HELZ: variants seen among roughly 807,000 people sequenced by gnomAD.
The protein encoded by HELZ is ATP-dependent RNA helicase with zinc finger domain.
HELZ carries 23 observed loss-of-function variants against 218.2 expected under a neutral mutation model. That is an observed-to-expected ratio of 0.11 (90% CI 0.08 to 0.15). The LOEUF is 0.15. Ranked by LOEUF, HELZ falls within the 10% of genes least tolerant of loss-of-function variation. The pLI, the probability that HELZ is intolerant of heterozygous loss-of-function variation, is 1.00. For synonymous variants in HELZ, 814 were observed against 829.4 expected (o/e 0.98, Z 0.32); for missense variants, 1,813 against 2,353.7 (o/e 0.77, Z 4.75).
intron 13 of HELZ, among the ~76,000 whole-genome samples, chr17:67,176,981 C>CA (rs1022300373): frequency 4.9e-5 from 7 of 142,924 alleles, no homozygotes; most frequent in Non-Finnish European, 7.6e-5. Flanking sequence ...TTCAGTTTCT[C>CA]TTTTTTTTTT....
intron 19 of HELZ, 39 bp from the exon 20 acceptor site, chr17:67,148,753 A>G (rs1295757980): frequency 6.4e-7 from 1 of 1,551,256 alleles, no homozygotes. Flanking sequence ...TTAACTGAAC[A>G]TACAAATAGT....
rs748364525 is a variant in HELZ, at chr17:67,166,502, G to A, written c.1871C>T (p.Pro624Leu). The A allele has an allele frequency of 1.9e-6, 3 of 1,613,066 alleles. No homozygotes were observed. The South Asian group carries it at 3.3e-5, about 18-fold the overall frequency. ...GVLFPDISMT[P>L]TIPWSPNRQW... is the part of the protein sequence containing the mutation. ...CCTGTTAGGACTCCATGGTATGGTG[G>A]GAGTCATACTGATGTCTGGAAACAA... Residue 624 changes from proline to leucine, a missense_variant, in exon 15 of 33, where the codon CCC (proline) becomes CTC (leucine). Pro to Leu is a moderately conservative substitution (Grantham distance 98). Coordinates refer to ENST00000358691, the MANE Select transcript of HELZ (RefSeq NM_014877.4).
chr17:67,130,866 C>G (rs957803086), intron 23 of HELZ, among the ~76,000 whole-genome samples: 1 of 152,116 alleles, frequency 6.6e-6, no homozygotes, highest in Non-Finnish European at 1.5e-5. Flanking sequence ...AATGGATTGA[C>G]TTTTACTCTG....
At chr17:67,179,002 A>G (rs2039534941) in intron 12 of HELZ, 76 bp from the exon 13 acceptor site, 2 of 944,542 alleles carry the variant, frequency 2.1e-6, no homozygotes, top group African/African-American at 1.7e-5. Flanking sequence ...ATTCTTAACT[A>G]TATTACATAT....
chr17:67,139,587 A>G (rs994525881), intron 21 of HELZ, among the ~76,000 whole-genome samples: 3 of 152,168 alleles, frequency 2.0e-5, no homozygotes. Flanking sequence ...ACATCTTCTA[A>G]GCTGGTCAAA....
At chr17:67,226,353 C>T (rs2040892259) in intron 3 of HELZ, among the ~76,000 whole-genome samples, 1 of 149,618 alleles carries the variant, frequency 6.7e-6, no homozygotes, top group Admixed American at 6.6e-5. Flanking sequence ...CAGATTTCAA[C>T]AGATACTCCC....
Position 67,071,029 on chromosome 17 carries a change from T to C in HELZ, c.*7223A>G, listed in dbSNP as rs1035748342. Reference sequence around the variant, plus strand: ...CTAATAACAGGACCCTTTAATAAAATGCAAAACTCATTATCTTTATAATTT... The same window carrying C: ...CTAATAACAGGACCCTTTAATAAAACGCAAAACTCATTATCTTTATAATTT... On this transcript the variant is annotated 3_prime_UTR_variant, in exon 33 of 33. Coordinates refer to ENST00000358691, the MANE Select transcript of HELZ (RefSeq NM_014877.4). 3.9e-5 allele frequency: 6 copies of C among 152,072 alleles called. No individual in the cohort carries two copies. Among genetic ancestry groups the C allele is most frequent in the African/African-American group, 1.4e-4 (6 of 41,396 alleles). The allele number at this position is 152,072 out of a possible 1,614,324, so 9.4% of individuals were successfully genotyped here.
rs112474087 is a variant in HELZ at position 67,072,285 on chromosome 17, G to A, written c.*5967C>T. On this transcript the variant is annotated 3_prime_UTR_variant, in exon 33 of 33. Coordinates refer to ENST00000358691, the MANE Select transcript of HELZ (RefSeq NM_014877.4). ...CGGGAGGCGGAGGTTGCAGTGAGCC[G>A]AGATCATGCCACTGTACTCCAGCCA... 1,970 of 152,702 alleles carry A rather than the reference G, an allele frequency of 0.013. 15 individuals carry two copies. Among genetic ancestry groups the A allele is most frequent in the Non-Finnish European group, 0.018 (1,206 of 68,214 alleles). The allele number at this position is 152,702 out of a possible 1,614,324, so 9.5% of individuals were successfully genotyped here.
chr17:67,125,007 G>C (rs2037736984), intron 24 of HELZ, among the ~76,000 whole-genome samples: 2 of 146,684 alleles, frequency 1.4e-5, no homozygotes, highest in Admixed American at 7.0e-5. Context: ...GAAAACTAAA[G>C]AGGGGATTAT....
intron 2 of HELZ, among the ~76,000 whole-genome samples, chr17:67,242,429 A>G (rs910861906): frequency 2.7e-5 from 4 of 147,064 alleles, no homozygotes; most frequent in African/African-American, 7.6e-5. Flanking sequence ...AAAAAAAAAG[A>G]AAAAAAATCT....
chr17:67,163,866 G>C (rs913357534), intron 15 of HELZ, among the ~76,000 whole-genome samples: 2 of 152,148 alleles, frequency 1.3e-5, no homozygotes, highest in Non-Finnish European at 2.9e-5. Context: ...CCTAGACCCA[G>C]ATACCTTTTA....
intron 32 of HELZ, among the ~76,000 whole-genome samples, chr17:67,080,053 A>G (rs777541728): frequency 3.1e-5 from 3 of 97,198 alleles, no homozygotes; most frequent in African/African-American, 4.7e-5. Flanking sequence ...ACTAGTTTCT[A>G]TGCGAAGTCA....
At chr17:67,230,115 T>C (rs1423641878) in intron 3 of HELZ, among the ~76,000 whole-genome samples, 3 of 152,166 alleles carry the variant, frequency 2.0e-5, no homozygotes, top group African/African-American at 7.2e-5. Context: ...CAGCTAAAAT[T>C]GAGATTTTTT....
At chr17:67,089,155 A>G (rs950746637) in intron 31 of HELZ, among the ~76,000 whole-genome samples, 1 of 152,220 alleles carries the variant, frequency 6.6e-6, no homozygotes, top group Non-Finnish European at 1.5e-5. Flanking sequence ...ATGGGCTCAG[A>G]AAGAGCAGAT....
intron 11 of HELZ, 108 bp downstream of exon 11, chr17:67,189,481 T>C (rs1484014208): frequency 1.5e-6 from 1 of 671,832 alleles, no homozygotes; most frequent in African/African-American, 1.8e-5. Flanking sequence ...TATAATGTAC[T>C]TAGATTAAAA....
At chr17:67,144,710 G>C (rs1317008296) in intron 21 of HELZ, among the ~76,000 whole-genome samples, 1 of 151,932 alleles carries the variant, frequency 6.6e-6, no homozygotes, top group Non-Finnish European at 1.5e-5. Flanking sequence ...AAGGCTTCTG[G>C]ACAGGCCCTG....
intron 27 of HELZ, among the ~76,000 whole-genome samples, chr17:67,115,219 C>G (rs754153330): frequency 1.3e-5 from 2 of 151,892 alleles, no homozygotes; most frequent in Non-Finnish European, 2.9e-5. Flanking sequence ...GAAGAAAAAT[C>G]TGGCAAATTT....
At chr17:67,171,192 A>G (rs1313951465) in intron 13 of HELZ, among the ~76,000 whole-genome samples, 1 of 152,144 alleles carries the variant, frequency 6.6e-6, no homozygotes, top group Non-Finnish European at 1.5e-5. Context: ...TATAAGCTCC[A>G]GCCTGCCTTC....
intron 18 of HELZ, 25 bp from the exon 19 acceptor site, chr17:67,150,010 G>A (rs1372799100): frequency 2.9e-6 from 4 of 1,400,744 alleles, no homozygotes; most frequent in Non-Finnish European, 4.0e-6. Context: ...ATAAACACAG[G>A]ATAGCACGCT....
Sources: allele counts gnomAD v4.1 joint callset (sites outside exome capture counted in the v4.1 genomes callset), GRCh38; gene constraint gnomAD v4.1.1; transcripts MANE v1.5; gene names NCBI Gene and HGNC (gene_info 2026-07-23, HGNC 2026-07-21).